PCBP2: variants seen among roughly 807,000 people sequenced by gnomAD.
PCBP2 encodes the protein poly(rC)-binding protein 2.
A neutral mutation model predicts 50.1 loss-of-function variants in PCBP2; 4 were observed. That is an observed-to-expected ratio of 0.08 (90% CI 0.04 to 0.18). PCBP2 has a LOEUF of 0.18. PCBP2 is among the 10% of genes least tolerant of loss of function. The pLI is 1.00. For missense variants in PCBP2, 161 were observed against 474.3 expected (o/e 0.34, Z 6.14); for synonymous variants, 179 against 168.0 (o/e 1.07, Z -0.51).
chr12:53,455,818 C>T, intron 4 of PCBP2, 67 bp from the exon 5 acceptor site: 3 of 1,037,204 alleles, frequency 2.9e-6, no homozygotes, highest in Middle Eastern at 4.2e-4. Context: ...TTATAAGGGA[C>T]TGTAGATCCT....
At chr12:53,469,759 G>GCT (rs1942078418) in intron 13 of PCBP2, among the ~76,000 whole-genome samples, 1 of 92,818 alleles carries the variant, frequency 1.1e-5, no homozygotes, top group Non-Finnish European at 2.4e-5. Flanking sequence ...TACATTTGCT[G>GCT]CTTTTTTTTT....
At chr12:53,464,664 GAA>G in intron 8 of PCBP2, 94 bp from the exon 9 acceptor site, 2 of 1,506,632 alleles carry the variant, frequency 1.3e-6, no homozygotes, top group Non-Finnish European at 1.8e-6. Context: ...AAGGAAAAAG[GAA>G]AAAAATAAAC....
chr12:53,457,661 T>C (rs1222279379), intron 5 of PCBP2, among the ~76,000 whole-genome samples: 1 of 151,790 alleles, frequency 6.6e-6, no homozygotes, highest in Non-Finnish European at 1.5e-5. Context: ...TTTATTAAAT[T>C]TTATTTTTTT....
chr12:53,452,576 TATTCCCC>T (rs1276620947), intron 1 of PCBP2, among the ~76,000 whole-genome samples, 200 bp downstream of exon 1: 1 of 150,378 alleles, frequency 6.6e-6, no homozygotes, highest in Non-Finnish European at 1.5e-5. Flanking sequence ...GCGCAAGGCC[TATTCCCC>T]CCTCCCCCCG....
rs1308334534 is a variant in PCBP2, at chr12:53,471,754, C to T, written c.999C>T (p.Thr333=). Residue 333 remains threonine, a synonymous_variant, in exon 14 of 15, where the codon ACC becomes ACT. Coordinates refer to ENST00000546463, the MANE Select transcript of PCBP2 (RefSeq NM_031989.5). ...AAGGATCTACTGATAGGCAGGTTAC[C>T]ATCACTGGATCTGCTGCCAGCATTA... is the stretch of plus-strand genomic sequence containing the variant. ...PVEGSTDRQV[T]ITGSAASISL... 8.7e-6 allele frequency: 14 copies of T among 1,613,266 alleles called. No homozygotes were observed. In the African/African-American group the frequency reaches 9.3e-5, roughly 11 times the overall value.
intron 8 of PCBP2, 96 bp from the exon 9 acceptor site, chr12:53,464,664 G>GA (rs1026325859): frequency 6.6e-7 from 1 of 1,506,626 alleles, no homozygotes; most frequent in East Asian, 2.5e-5. Flanking sequence ...AAGGAAAAAG[G>GA]AAAAAAATAA....
chr12:53,476,648 T>C (rs1377909473), intron 14 of PCBP2, among the ~76,000 whole-genome samples: 1 of 150,988 alleles, frequency 6.6e-6, no homozygotes, highest in Non-Finnish European at 1.5e-5. Context: ...CACCATTGGC[T>C]GACAAAAAAA....
In PCBP2 at chr12:53,473,270, A is replaced by G. The variant is rs184465230; in HGVS notation, c.1052+1463A>G. 8.8e-4 allele frequency among the ~76,000 whole-genome samples: 133 copies of G among 151,634 alleles called. 1 individual carries two copies. Among genetic ancestry groups the G allele is most frequent in the East Asian group, 3.7e-3 (19 of 5,120 alleles). ...CAGCTAATTTTTGTATTTTTAGTAT[A>G]GACGGGGTTTCACCATGTTGGCAAG... On this transcript the variant is annotated intron_variant, in intron 14 of 14. Coordinates refer to ENST00000546463, the MANE Select transcript of PCBP2 (RefSeq NM_031989.5).
At chr12:53,460,591 T>G (rs1416288995) in intron 6 of PCBP2, 1 of 210,402 alleles carries the variant, frequency 4.8e-6, no homozygotes, top group African/African-American at 2.4e-5. Flanking sequence ...GACAGAGATC[T>G]TAATTTTGTT....
intron 14 of PCBP2, among the ~76,000 whole-genome samples, chr12:53,477,475 C>T (rs1942671990): frequency 6.6e-6 from 1 of 151,810 alleles, no homozygotes; most frequent in Non-Finnish European, 1.5e-5. Flanking sequence ...ACCATCCTGG[C>T]TAACACAGTG....
chr12:53,477,604 T>G (rs1209655292), intron 14 of PCBP2, among the ~76,000 whole-genome samples: 1 of 131,904 alleles, frequency 7.6e-6, no homozygotes, highest in African/African-American at 2.9e-5. Flanking sequence ...AGGCGGAGCT[T>G]GCAGTGAGCC....
At chr12:53,456,250 C>T (rs749714172) in intron 5 of PCBP2, among the ~76,000 whole-genome samples, 2 of 151,920 alleles carry the variant, frequency 1.3e-5, no homozygotes, top group Non-Finnish European at 2.9e-5. Flanking sequence ...GGCAGATAAA[C>T]GAGGTCAGGA....
chr12:53,479,299 G>C (rs1344198064), intron 14 of PCBP2, 107 bp from the exon 15 acceptor site: 1 of 933,362 alleles, frequency 1.1e-6, no homozygotes, highest in African/African-American at 1.6e-5. Flanking sequence ...TGTCTCCCTT[G>C]GTACTCCAGC....
intron 14 of PCBP2, among the ~76,000 whole-genome samples, chr12:53,478,316 T>C (rs1384104418): frequency 6.6e-6 from 1 of 152,088 alleles, no homozygotes; most frequent in African/African-American, 2.4e-5. Flanking sequence ...GAGACCAGCC[T>C]GGCCAACATG....
chr12:53,462,438 A>G (rs2137052892), intron 7 of PCBP2, 55 bp from the exon 8 acceptor site: 1 of 1,449,658 alleles, frequency 6.9e-7, no homozygotes, highest in Non-Finnish European at 9.6e-7. Flanking sequence ...ACACAGCTGA[A>G]GCAGCTTTGA....
chr12:53,466,119 T>C, intron 10 of PCBP2, 146 bp downstream of exon 10: 2 of 725,992 alleles, frequency 2.8e-6, no homozygotes, highest in South Asian at 3.2e-5. Context: ...CAATCCCATA[T>C]TTTAGCCCTT....
chr12:53,468,450 G>A (rs1234388660), intron 12 of PCBP2: 1 of 348,180 alleles, frequency 2.9e-6, no homozygotes, highest in Non-Finnish European at 5.3e-6. Context: ...AGGGGTAGAA[G>A]TACAGAAGGA....
chr12:53,469,992 C>T (rs538437801), intron 13 of PCBP2, among the ~76,000 whole-genome samples: 29 of 152,140 alleles, frequency 1.9e-4, no homozygotes, highest in African/African-American at 6.5e-4. Context: ...GTGATCCCCC[C>T]CCTTCAGCCT....
At chr12:53,468,916 C>CA (rs1941999490) in intron 13 of PCBP2, 84 bp downstream of exon 13, 7 of 841,392 alleles carry the variant, frequency 8.3e-6, no homozygotes, top group Non-Finnish European at 1.2e-5. Flanking sequence ...GTCCTGCTAC[C>CA]CTTTTTTTTT....
Sources: allele counts gnomAD v4.1 joint callset (sites outside exome capture counted in the v4.1 genomes callset), GRCh38; gene constraint gnomAD v4.1.1; transcripts MANE v1.5; gene names NCBI Gene and HGNC (gene_info 2026-07-23, HGNC 2026-07-21).